The following PTPRG variants were observed in gnomAD, a reference collection of about 807,000 sequenced individuals.
PTPRG encodes receptor-type tyrosine-protein phosphatase gamma.
PTPRG carries 102 observed loss-of-function variants against 165.3 expected under a neutral mutation model. The ratio of observed to expected loss-of-function variants is 0.62; its 90% CI spans 0.53 to 0.73. The LOEUF (loss-of-function observed/expected upper bound fraction) is 0.73, where lower values mean the gene tolerates loss of function less well. PTPRG is among the 30% of genes least tolerant of loss of function. PTPRG has a pLI of 0.00. For missense variants in PTPRG, 1,866 were observed against 1,861.4 expected, an observed-to-expected ratio of 1.00 and a Z score of -0.05; for synonymous variants, 675 against 669.5, an observed-to-expected ratio of 1.01 and a Z score of -0.13.
chr3:62,203,572 C>T lies in PTPRG; in HGVS notation c.1777C>T (p.Arg593Trp), dbSNP rs1187818912. ...GAAAAGCGAGAGTGAGGATGGGGAGCGGGAGCACGAGGAGGATGGAGAGAA... is the reference window on the plus strand; with the variant it reads ...GAAAAGCGAGAGTGAGGATGGGGAGTGGGAGCACGAGGAGGATGGAGAGAA... The part of the protein sequence containing the change: ...DEKSESEDGE[R>W]EHEEDGEKDS... Residue 593 changes from arginine (R) to tryptophan (W), a missense_variant, in exon 12 of 30, where the codon CGG (arginine) becomes TGG (tryptophan). Transcript: ENST00000474889. The surrounding 1 kb of genome is among the most constrained non-coding windows in gnomAD (Gnocchi z 6.4). 29 of 1,552,356 alleles carry T rather than the reference C, an allele frequency of 1.9e-5. No individual in the cohort carries two copies. Among genetic ancestry groups the T allele is most frequent in the African/African-American group, 6.8e-5 (5 of 73,018 alleles).
chr3:61,830,407 C>G (rs1202311757), intron 2 of PTPRG, among the ~76,000 whole-genome samples: 1 of 151,620 alleles, frequency 6.6e-6, no homozygotes, highest in Non-Finnish European at 1.5e-5. Context: ...ATCTGTCAAT[C>G]TCTCCAACTG....
At position 62,217,454 on chromosome 3, in the gene PTPRG, C is replaced by A. The variant is rs1332803753; in HGVS notation, c.2156-1397C>A. ...TCTTGCCTCTTTAAAAATCTGCTCC[C>A]ATAGCCAATTCTTTCTTCCCTACTC... is the stretch of plus-strand genomic sequence containing the variant. On this transcript the variant is annotated intron_variant, in intron 12 of 29. Transcript: ENST00000474889. This position sits in a 1 kb window ranked among gnomAD's most constrained non-coding sequence, Gnocchi z 4.3. 1 of 152,276 alleles carries A rather than the reference C, an allele frequency of 6.6e-6. No individual in the cohort carries two copies. Among genetic ancestry groups the A allele is most frequent in the Non-Finnish European group, 1.5e-5 (1 of 68,100 alleles). The allele number at this position is 152,276 out of a possible 1,614,324, so 9.4% of individuals were successfully genotyped here. A position where few individuals can be genotyped will look rare whatever the true frequency, so the allele number is the denominator to read the frequency against.
chr3:61,930,984 C>G (rs568831224), intron 2 of PTPRG, among the ~76,000 whole-genome samples: 1 of 152,290 alleles, frequency 6.6e-6, no homozygotes, highest in East Asian at 1.9e-4. Flanking sequence ...TCACTTGAAC[C>G]TGGGAGGCAG....
At chr3:61,781,590 T>C (rs983715278) in intron 2 of PTPRG, among the ~76,000 whole-genome samples, 1 of 152,186 alleles carries the variant, frequency 6.6e-6, no homozygotes, top group African/African-American at 2.4e-5. Flanking sequence ...GCAAACCAGA[T>C]TTGTCTCTGA....
intron 14 of PTPRG, among the ~76,000 whole-genome samples, chr3:62,235,972 A>T (rs1701024894): frequency 6.6e-6 from 1 of 152,196 alleles, no homozygotes; most frequent in East Asian, 1.9e-4. Flanking sequence ...AAGCACATTG[A>T]CATTTGTCAA....
At position 62,203,896 on chromosome 3, in the gene PTPRG, A is replaced by T; in HGVS notation, c.2101A>T (p.Met701Leu). ...KRPEMPSKKP[M>L]SRGDRFSEDS... is the part of the protein sequence containing the mutation. Reference sequence around the variant, plus strand: ...GCCCGAAATGCCATCTAAAAAGCCTATGTCCCGCGGGGACCGATTTTCTGA... The same window carrying T: ...GCCCGAAATGCCATCTAAAAAGCCTTTGTCCCGCGGGGACCGATTTTCTGA... The change falls in exon 12 of 30, where the codon ATG becomes TTG. Residue 701 changes from methionine (M) to leucine (L), a missense_variant. Physicochemically the swap from Met to Leu is conservative, Grantham distance 15 (BLOSUM62 2). Transcript: ENST00000474889. This position sits in a 1 kb window ranked among gnomAD's most constrained non-coding sequence, Gnocchi z 6.4. 6.2e-7 allele frequency: 1 copy of T among 1,612,116 alleles called. No homozygotes were observed. Among genetic ancestry groups the T allele is most frequent in the Non-Finnish European group, 8.5e-7 (1 of 1,178,994 alleles).
chr3:62,267,614 G>A, intron 18 of PTPRG, 71 bp from the exon 19 acceptor site: 1 of 1,552,186 alleles, frequency 6.4e-7, no homozygotes, highest in East Asian at 2.2e-5. Context: ...CAATATGGAA[G>A]GCATTTGAAT....
intron 6 of PTPRG, among the ~76,000 whole-genome samples, chr3:62,139,529 G>A (rs1261015903): frequency 6.6e-6 from 1 of 152,182 alleles, no homozygotes; most frequent in Non-Finnish European, 1.5e-5. Context: ...GCTGGTCAGA[G>A]CTAGACGGCT....
At chr3:61,876,225 G>T (rs894282464) in intron 2 of PTPRG, among the ~76,000 whole-genome samples, 10 of 152,174 alleles carry the variant, frequency 6.6e-5, no homozygotes, top group African/African-American at 2.4e-4. Context: ...TAAGTGATCT[G>T]TACTCCTTTG....
chr3:61,596,431 A>G (rs1399967302), intron 1 of PTPRG, among the ~76,000 whole-genome samples: 14 of 84,860 alleles, frequency 1.6e-4, no homozygotes, highest in Non-Finnish European at 2.5e-4. Context: ...ATCTGTTTCA[A>G]TTCGGATGGA....
intron 1 of PTPRG, among the ~76,000 whole-genome samples, chr3:61,668,397 C>A (rs951104447): frequency 6.6e-6 from 1 of 152,140 alleles, no homozygotes; most frequent in East Asian, 1.9e-4. Flanking sequence ...CTCTAGAAAG[C>A]CCGGCTTTAA....
Position 61,825,666 on chromosome 3 carries a change from A to G in PTPRG, c.190+76684A>G, listed in dbSNP as rs190118537. ...GTTTTCTTAGGTTTTTTTTTTTGAG[A>G]CAGGTTCTCGCTGTGTCACCCAGGC... is the stretch of plus-strand genomic sequence containing the variant. On this transcript the variant is annotated intron_variant, in intron 2 of 29. Transcript: ENST00000474889. Among the ~76,000 whole-genome samples, 6 of 151,218 alleles carry G rather than the reference A, an allele frequency of 4.0e-5. No homozygotes were observed. In the East Asian group the frequency reaches 1.2e-3, roughly 29 times the overall value.
intron 1 of PTPRG, among the ~76,000 whole-genome samples, chr3:61,590,468 G>A (rs1700541569): frequency 6.6e-6 from 1 of 152,086 alleles, no homozygotes; most frequent in Admixed American, 6.5e-5. Context: ...AGATTGTGGT[G>A]AGCCAAGATC....
At chr3:61,571,426 CCT>C (rs1433374802) in intron 1 of PTPRG, among the ~76,000 whole-genome samples, 2 of 152,024 alleles carry the variant, frequency 1.3e-5, no homozygotes, top group Admixed American at 1.3e-4. Context: ...TGTATTTCAC[CCT>C]GTTACTTTTC....
chr3:61,706,874 T>C (rs1254202821), intron 1 of PTPRG, among the ~76,000 whole-genome samples: 1 of 152,194 alleles, frequency 6.6e-6, no homozygotes, highest in Non-Finnish European at 1.5e-5. Flanking sequence ...ACATGAAACA[T>C]GCTTAACCTA....
intron 2 of PTPRG, among the ~76,000 whole-genome samples, chr3:61,948,726 T>TC (rs2039825184): frequency 6.6e-6 from 1 of 152,144 alleles, no homozygotes; most frequent in South Asian, 2.1e-4. Flanking sequence ...GAGTATTGTA[T>TC]CAAGCACAGA....
At chr3:61,599,831 A>G (rs1700802148) in intron 1 of PTPRG, among the ~76,000 whole-genome samples, 1 of 152,044 alleles carries the variant, frequency 6.6e-6, no homozygotes, top group Non-Finnish European at 1.5e-5. Context: ...AAATGCATTC[A>G]TGTTTCTGAA....
intron 2 of PTPRG, among the ~76,000 whole-genome samples, chr3:61,948,805 G>A (rs760239319): frequency 2.6e-5 from 4 of 152,134 alleles, no homozygotes; most frequent in African/African-American, 4.8e-5. Flanking sequence ...ATTTACCTTT[G>A]AGAATGCAGT....
intron 1 of PTPRG, among the ~76,000 whole-genome samples, chr3:61,644,352 A>G (rs542606755): frequency 6.6e-6 from 1 of 152,298 alleles, no homozygotes; most frequent in South Asian, 2.1e-4. Context: ...TTTTCCAAAG[A>G]GGGGGTGGCC....
Sources: allele counts gnomAD v4.1 joint callset (sites outside exome capture counted in the v4.1 genomes callset), GRCh38; gene constraint gnomAD v4.1.1; non-coding constraint Gnocchi (gnomAD v3.1); transcripts MANE v1.5; gene names NCBI Gene and HGNC (gene_info 2026-07-23, HGNC 2026-07-21).